GPD1L: variants seen among roughly 807,000 people sequenced by gnomAD.
GPD1L encodes the protein glycerol-3-phosphate dehydrogenase 1-like protein.
A neutral mutation model predicts 32.9 loss-of-function variants in GPD1L; 17 were observed. The ratio of observed to expected loss-of-function variants is 0.52; its 90% CI spans 0.35 to 0.78. The LOEUF is 0.78. GPD1L is among the 30% of genes least tolerant of loss of function. The pLI is 0.01. For missense variants in GPD1L, 361 were observed against 447.8 expected, an observed-to-expected ratio of 0.81 and a Z score of 1.75; for synonymous variants, 187 against 165.9, an observed-to-expected ratio of 1.13 and a Z score of -0.98.
chr3:32,138,746 G>T lies in GPD1L; in HGVS notation c.366+19G>T, dbSNP rs371030358. 3 of 1,612,862 alleles carry T rather than the reference G, an allele frequency of 1.9e-6. No homozygotes were observed. In the African/African-American group the frequency reaches 4.0e-5, roughly 22 times the overall value. Reference sequence around the variant, plus strand: ...CATCAAGGTAACTCGAGTGCATGCTGCCCAGGGCTAGACATTGGTTATCAG... The same window carrying T: ...CATCAAGGTAACTCGAGTGCATGCTTCCCAGGGCTAGACATTGGTTATCAG... On this transcript the variant is annotated intron_variant, in intron 3 of 7. Coordinates refer to ENST00000282541, the MANE Select transcript of GPD1L (RefSeq NM_015141.4).
chr3:32,122,614 A>G (rs1002741203), intron 1 of GPD1L, among the ~76,000 whole-genome samples: 1 of 152,172 alleles, frequency 6.6e-6, no homozygotes, highest in Non-Finnish European at 1.5e-5. Flanking sequence ...CCATCAGCAG[A>G]CCTGAGTCCT....
intron 7 of GPD1L, among the ~76,000 whole-genome samples, chr3:32,160,798 A>G: frequency 6.6e-6 from 1 of 151,890 alleles, no homozygotes; most frequent in East Asian, 1.9e-4. Context: ...TCCTGAGGCC[A>G]CTCTCCAGCC....
At chr3:32,143,101 C>T (rs531574358) in intron 4 of GPD1L, among the ~76,000 whole-genome samples, 1 of 152,080 alleles carries the variant, frequency 6.6e-6, no homozygotes, top group Admixed American at 6.5e-5. Flanking sequence ...GGAGGATCAC[C>T]TTGAGGCTAG....
At chr3:32,138,316 C>T (rs1230732440) in intron 2 of GPD1L, among the ~76,000 whole-genome samples, 4 of 152,122 alleles carry the variant, frequency 2.6e-5, no homozygotes, top group Non-Finnish European at 4.4e-5. Context: ...GAGCAACCCA[C>T]ATAGTGTTAT....
chr3:32,107,326 C>A (rs565054242), intron 1 of GPD1L, among the ~76,000 whole-genome samples: 1 of 152,318 alleles, frequency 6.6e-6, no homozygotes, highest in East Asian at 1.9e-4. Flanking sequence ...TTCAACAGGC[C>A]GCTCTCCCTG....
At chr3:32,132,832 C>T (rs575670897) in intron 2 of GPD1L, among the ~76,000 whole-genome samples, 8 of 152,014 alleles carry the variant, frequency 5.3e-5, no homozygotes, top group African/African-American at 1.7e-4. Flanking sequence ...GGAATCCAGG[C>T]GATGGATAGC....
chr3:32,141,214 T>C (rs1196587950), intron 4 of GPD1L, among the ~76,000 whole-genome samples: 2 of 152,214 alleles, frequency 1.3e-5, no homozygotes, highest in Non-Finnish European at 2.9e-5. Context: ...CAGGAAAATG[T>C]AGCTCCAGAT....
intron 2 of GPD1L, among the ~76,000 whole-genome samples, chr3:32,136,360 T>C (rs1473680511): frequency 1.3e-5 from 2 of 152,210 alleles, no homozygotes; most frequent in Non-Finnish European, 2.9e-5. Flanking sequence ...TCTTGTTGGC[T>C]CTGATTGTTT....
intron 1 of GPD1L, among the ~76,000 whole-genome samples, chr3:32,109,873 G>A (rs1700221997): frequency 6.6e-6 from 1 of 152,246 alleles, no homozygotes; most frequent in Non-Finnish European, 1.5e-5. Flanking sequence ...GTGGAATGGA[G>A]TAACTGCTCT....
At chr3:32,111,102 A>G (rs1267853722) in intron 1 of GPD1L, among the ~76,000 whole-genome samples, 1 of 152,164 alleles carries the variant, frequency 6.6e-6, no homozygotes, top group African/African-American at 2.4e-5. Flanking sequence ...CTGGCCTCAA[A>G]TAGTCTGCCC....
At chr3:32,111,153 A>G (rs1196217549) in intron 1 of GPD1L, among the ~76,000 whole-genome samples, 1 of 152,264 alleles carries the variant, frequency 6.6e-6, no homozygotes, top group Non-Finnish European at 1.5e-5. Context: ...GGCATCAGCC[A>G]CAGTGCCTGG....
At chr3:32,110,030 G>C (rs1301479806) in intron 1 of GPD1L, among the ~76,000 whole-genome samples, 1 of 152,238 alleles carries the variant, frequency 6.6e-6, no homozygotes, top group Non-Finnish European at 1.5e-5. Context: ...CCATTCTCCT[G>C]CCTCAGCCTC....
At chr3:32,150,678 G>A (rs1428993846) in intron 5 of GPD1L, among the ~76,000 whole-genome samples, 1 of 151,946 alleles carries the variant, frequency 6.6e-6, no homozygotes, top group Non-Finnish European at 1.5e-5. Context: ...GTAGAGATAG[G>A]GTTTTGCCAT....
intron 2 of GPD1L, among the ~76,000 whole-genome samples, chr3:32,129,927 A>G (rs192350001): frequency 6.6e-6 from 1 of 151,902 alleles, no homozygotes; most frequent in South Asian, 2.1e-4. Context: ...TACATGCTTC[A>G]TTGTTACATT....
chr3:32,144,417 A>G (rs1700791012), intron 4 of GPD1L, among the ~76,000 whole-genome samples: 1 of 152,246 alleles, frequency 6.6e-6, no homozygotes, highest in Non-Finnish European at 1.5e-5. Context: ...ATGGTGCCAA[A>G]TGTCTAGAAT....
intron 7 of GPD1L, among the ~76,000 whole-genome samples, chr3:32,163,134 G>A (rs115000594): frequency 0.016 from 2,327 of 144,914 alleles, 68 homozygotes; most frequent in African/African-American, 0.054. Flanking sequence ...GTATTGATTA[G>A]TGGGATAGCT....
chr3:32,145,154 A>G (rs1480202638), intron 4 of GPD1L, among the ~76,000 whole-genome samples: 1 of 151,934 alleles, frequency 6.6e-6, no homozygotes, highest in African/African-American at 2.4e-5. Flanking sequence ...CCCCATCTTT[A>G]CTAAAAATAC....
chr3:32,134,822 C>G (rs1231097168), intron 2 of GPD1L, among the ~76,000 whole-genome samples: 1 of 152,078 alleles, frequency 6.6e-6, no homozygotes, highest in Non-Finnish European at 1.5e-5. Context: ...TGGGAATAGG[C>G]CGATTTCTTA....
chr3:32,159,735 TC>T, intron 7 of GPD1L, 61 bp downstream of exon 7: 1 of 1,025,186 alleles, frequency 9.8e-7, no homozygotes, highest in Non-Finnish European at 1.5e-6. Flanking sequence ...TCTCAGGACT[TC>T]CAGCCCCACG....
Sources: gnomAD v4.1 joint callset for allele counts (sites outside exome capture counted in the v4.1 genomes callset) on GRCh38, gnomAD v4.1.1 for gene constraint, MANE v1.5 for transcripts, NCBI Gene and HGNC (gene_info 2026-07-23, HGNC 2026-07-21) for gene names.